The following YEATS2 variants were observed in gnomAD, a reference collection of about 807,000 sequenced individuals.
YEATS2 encodes YEATS domain-containing protein 2.
Under a neutral mutation model 163.2 loss-of-function variants are expected in YEATS2, and 77 were observed. The observed-to-expected ratio is 0.47, with a 90% CI of 0.39 to 0.57. YEATS2 has a LOEUF of 0.57. Among genes scored for constraint, YEATS2 ranks in the 20% least tolerant of loss-of-function variants. YEATS2 has a pLI of 0.00. For synonymous variants in YEATS2, 631 were observed against 645.1 expected, an observed-to-expected ratio of 0.98 and a Z score of 0.33; for missense variants, 1,549 against 1,729.8, an observed-to-expected ratio of 0.90 and a Z score of 1.85.
chr3:183,725,267 T>C (rs757877882), intron 6 of YEATS2, among the ~76,000 whole-genome samples: 1 of 152,104 alleles, frequency 6.6e-6, no homozygotes, highest in Non-Finnish European at 1.5e-5. Context: ...CTACCCTTGC[T>C]TGTGCAGTTT....
chr3:183,804,689 A>T (rs1726005433), intron 27 of YEATS2, among the ~76,000 whole-genome samples: 2 of 152,138 alleles, frequency 1.3e-5, no homozygotes, highest in South Asian at 4.1e-4. Context: ...GTTTCACGAT[A>T]AAAAAACAGA....
rs200571287 is a variant in YEATS2 at position 183,741,300 on chromosome 3, TTAA to T, written c.924+4476_924+4478del. ...TACCATCCAGTAAATCCTAGGGCCC[TTAA>T]TAATGATGCTAAATCTACTCTGCCT... is the stretch of plus-strand genomic sequence containing the variant. On this transcript the variant is annotated intron_variant, in intron 8 of 30. Coordinates refer to ENST00000305135, the MANE Select transcript of YEATS2 (RefSeq NM_018023.5). 9.7e-3 allele frequency among the ~76,000 whole-genome samples: 1,472 copies of T among 152,224 alleles called. 19 individuals carry two copies. The highest frequency in any genetic ancestry group is 0.033 in the African/African-American group (1,381 of 41,524).
chr3:183,732,741 T>C (rs934961124), intron 7 of YEATS2, among the ~76,000 whole-genome samples: 1 of 151,772 alleles, frequency 6.6e-6, no homozygotes, highest in Non-Finnish European at 1.5e-5. Context: ...TTTGTATTTT[T>C]AGTAGAGATG....
intron 3 of YEATS2, 111 bp downstream of exon 3, chr3:183,717,859 GC>G (rs1716065171): frequency 5.5e-6 from 2 of 362,180 alleles, no homozygotes; most frequent in Non-Finnish European, 8.6e-6. Context: ...CCTCCTCTTT[GC>G]TTTTTTTTTT....
chr3:183,760,804 A>T (rs1721270981), intron 13 of YEATS2, among the ~76,000 whole-genome samples: 1 of 152,200 alleles, frequency 6.6e-6, no homozygotes, highest in Non-Finnish European at 1.5e-5. Context: ...GTATATACTG[A>T]AACATTGCAG....
At position 183,730,052 on chromosome 3, in the gene YEATS2, G is replaced by GTTTTTTTT. The variant is rs869091775; in HGVS notation, c.812+1229_812+1236dup. 1.1e-3 allele frequency among the ~76,000 whole-genome samples: 46 copies of GTTTTTTTT among 41,724 alleles called. 4 individuals are homozygous for GTTTTTTTT. The highest frequency in any genetic ancestry group is 1.6e-3 in the African/African-American group (19 of 12,146). The allele number at this position is 41,724 out of a possible 152,430, so 27.4% of individuals were successfully genotyped here. ...ATATTAATTGTGTGGTTTTTTGTTTGTTTTTTTTTTTTTTTTTTTTTTTTT... is the reference window on the plus strand; with the variant it reads ...ATATTAATTGTGTGGTTTTTTGTTTGTTTTTTTTTTTTTTTTTTTTTTTTTTTTTTTTT... On this transcript the variant is annotated intron_variant, in intron 7 of 30. Transcript: ENST00000305135.
chr3:183,773,927 T>C, intron 17 of YEATS2, 133 bp downstream of exon 17: 1 of 1,108,542 alleles, frequency 9.0e-7, no homozygotes, highest in Non-Finnish European at 1.2e-6. Flanking sequence ...AATGGTAGCA[T>C]TTGCTCAGAT....
intron 5 of YEATS2, among the ~76,000 whole-genome samples, chr3:183,723,595 T>G (rs1045967096): frequency 1.3e-5 from 2 of 152,216 alleles, no homozygotes; most frequent in Non-Finnish European, 2.9e-5. Context: ...AAATATTACA[T>G]GTGTTTTTCT....
intron 27 of YEATS2, chr3:183,806,621 C>A: frequency 1.9e-6 from 1 of 522,648 alleles, no homozygotes; most frequent in Non-Finnish European, 3.5e-6. Flanking sequence ...AGTGAGAATT[C>A]CTACTCTTTC....
intron 29 of YEATS2, 129 bp downstream of exon 29, chr3:183,808,233 TTCTC>T (rs1046466411): frequency 9.7e-6 from 7 of 722,670 alleles, no homozygotes; most frequent in African/African-American, 7.3e-5. Context: ...TGGGCTTAAG[TTCTC>T]TCTTTTTGTT....
At chr3:183,777,389 A>G (rs560127930) in intron 18 of YEATS2, among the ~76,000 whole-genome samples, 153 bp from the exon 19 acceptor site, 2 of 152,382 alleles carry the variant, frequency 1.3e-5, no homozygotes, top group Admixed American at 1.3e-4. Flanking sequence ...GAGCACAACT[A>G]TTCTTTTGAA....
intron 19 of YEATS2, among the ~76,000 whole-genome samples, chr3:183,785,305 T>C (rs1269864602): frequency 6.6e-6 from 1 of 151,924 alleles, no homozygotes; most frequent in African/African-American, 2.4e-5. Flanking sequence ...CTGGCCAACA[T>C]GGTGAAACCC....
In YEATS2 at chr3:183,772,575, C is replaced by A. The variant is rs531135567; in HGVS notation, c.2206+12C>A. 11 of 1,612,726 alleles carry A rather than the reference C, an allele frequency of 6.8e-6. No individual in the cohort carries two copies. The South Asian group carries it at 1.1e-4, about 16-fold the overall frequency. ...ATCCCAGGGTTCAGGTAAAACGGAT[C>A]ATCACTGGGAGCCCTTTCAGCAGAA... On this transcript the variant is annotated intron_variant, in intron 16 of 30. Coordinates refer to ENST00000305135, the MANE Select transcript of YEATS2 (RefSeq NM_018023.5).
At chr3:183,752,671 T>C (rs1720303590) in intron 10 of YEATS2, among the ~76,000 whole-genome samples, 1 of 134,758 alleles carries the variant, frequency 7.4e-6, no homozygotes, top group Non-Finnish European at 1.6e-5. Context: ...ATGGTACCAC[T>C]GCACTCCAGC....
intron 9 of YEATS2, among the ~76,000 whole-genome samples, chr3:183,750,452 G>A (rs960240204): frequency 6.6e-6 from 1 of 152,194 alleles, no homozygotes; most frequent in African/African-American, 2.4e-5. Flanking sequence ...ACCCAGAAAT[G>A]GAATTGGCTG....
At chr3:183,742,607 G>T (rs941327715) in intron 8 of YEATS2, among the ~76,000 whole-genome samples, 3 of 152,224 alleles carry the variant, frequency 2.0e-5, no homozygotes, top group Non-Finnish European at 2.9e-5. Context: ...GTGGCTTCTT[G>T]AGATGGCATC....
intron 10 of YEATS2, among the ~76,000 whole-genome samples, chr3:183,753,621 A>G (rs1327014173): frequency 6.6e-6 from 1 of 152,136 alleles, no homozygotes; most frequent in Non-Finnish European, 1.5e-5. Flanking sequence ...GGTGGTGCAT[A>G]CCTGTAATCC....
At chr3:183,796,666 G>A (rs1158650740) in intron 21 of YEATS2, among the ~76,000 whole-genome samples, 4 of 151,618 alleles carry the variant, frequency 2.6e-5, no homozygotes, top group Admixed American at 6.6e-5. Context: ...TACGTTTTAG[G>A]CAGTCAGGAG....
chr3:183,808,050 C>A lies in YEATS2; in HGVS notation c.4032C>A (p.Pro1344=). ...VTQKIGITLQ[P]VALHRNVYAS... Reference sequence around the variant, plus strand: ...TCCAGATTGGGATCACCCTGCAGCCCGTGGCACTCCACAGGAACGTGTATG... The same window carrying A: ...TCCAGATTGGGATCACCCTGCAGCCAGTGGCACTCCACAGGAACGTGTATG... Residue 1344 remains proline, a synonymous_variant, in exon 29 of 31, where the codon CCC becomes CCA. Coordinates refer to ENST00000305135, the MANE Select transcript of YEATS2 (RefSeq NM_018023.5). 1 of 1,563,428 alleles carries A rather than the reference C, an allele frequency of 6.4e-7. No homozygotes were observed. The highest frequency in any genetic ancestry group is 2.4e-5 in the East Asian group (1 of 41,996).
Sources: gnomAD v4.1 joint callset for allele counts (sites outside exome capture counted in the v4.1 genomes callset) on GRCh38, gnomAD v4.1.1 for gene constraint, MANE v1.5 for transcripts, NCBI Gene and HGNC (gene_info 2026-07-23, HGNC 2026-07-21) for gene names.